Variants in SORL1 observed in about 807,000 individuals in gnomAD.
SORL1 encodes sortilin related receptor 1, also known as sortilin-related receptor.
SORL1 carries 127 observed loss-of-function variants against 273.7 expected under a neutral mutation model. That is an observed-to-expected ratio of 0.46 (90% CI 0.40 to 0.54). The LOEUF is 0.54. SORL1 is among the 20% of genes least tolerant of loss of function. SORL1 has a pLI of 0.00. For missense variants in SORL1, 2,494 were observed against 2,846.1 expected (o/e 0.88, Z 2.81); for synonymous variants, 1,031 against 1,067.4 (o/e 0.97, Z 0.66).
At chr11:121,520,378 A>C (rs1251413457) in intron 8 of SORL1, among the ~76,000 whole-genome samples, 1 of 152,238 alleles carries the variant, frequency 6.6e-6, no homozygotes, top group Non-Finnish European at 1.5e-5. Flanking sequence ...CATTTATATG[A>C]AATGTCTAGA....
At chr11:121,578,444 C>T (rs1168975688) in intron 25 of SORL1, among the ~76,000 whole-genome samples, 2 of 152,212 alleles carry the variant, frequency 1.3e-5, no homozygotes, top group Admixed American at 6.5e-5. Flanking sequence ...GCTCAAAGCA[C>T]GCCTACTAAT....
chr11:121,467,460 C>G (rs550014766), intron 1 of SORL1, among the ~76,000 whole-genome samples: 24 of 152,300 alleles, frequency 1.6e-4, no homozygotes, highest in African/African-American at 5.3e-4. Context: ...CCAGAGGGAG[C>G]ATTTTGATGT....
intron 5 of SORL1, among the ~76,000 whole-genome samples, chr11:121,494,053 T>C (rs1167618166): frequency 6.6e-6 from 1 of 152,234 alleles, no homozygotes; most frequent in Non-Finnish European, 1.5e-5. Context: ...TCTTCTGCTT[T>C]ATTTGAATTT....
intron 24 of SORL1, among the ~76,000 whole-genome samples, chr11:121,574,985 T>C (rs999678159): frequency 1.3e-5 from 2 of 152,178 alleles, no homozygotes; most frequent in Non-Finnish European, 2.9e-5. Flanking sequence ...CATTCAACTC[T>C]GTTATTATTA....
At chr11:121,579,097 G>A (rs144916412) in intron 25 of SORL1, among the ~76,000 whole-genome samples, 1,815 of 152,282 alleles carry the variant, frequency 0.012, 19 homozygotes, top group Non-Finnish European at 0.017. Flanking sequence ...AGCATGTGCC[G>A]GTCTTACAGA....
intron 8 of SORL1, among the ~76,000 whole-genome samples, chr11:121,517,395 CG>C (rs1861971553): frequency 1.3e-5 from 2 of 152,140 alleles, no homozygotes. Context: ...AAGGTTCATC[CG>C]TGAGTACCAT....
At chr11:121,548,990 A>C (rs1013236011) in intron 14 of SORL1, among the ~76,000 whole-genome samples, 1 of 152,216 alleles carries the variant, frequency 6.6e-6, no homozygotes, top group Admixed American at 6.5e-5. Context: ...TATAGAATTT[A>C]CAGGTTTGGA....
intron 6 of SORL1, among the ~76,000 whole-genome samples, chr11:121,500,138 A>C (rs1861690427): frequency 6.6e-6 from 1 of 152,254 alleles, no homozygotes; most frequent in South Asian, 2.1e-4. Flanking sequence ...GGGCCATTAA[A>C]GAAACAATGA....
chr11:121,567,187 T>G, intron 22 of SORL1, 74 bp downstream of exon 22: 1 of 1,286,208 alleles, frequency 7.8e-7, no homozygotes, highest in East Asian at 2.3e-5. Context: ...GAGGGAGGGA[T>G]AGCTCTCTGT....
Position 121,589,327 on chromosome 11 carries a change from A to T in SORL1, c.4015A>T (p.Ser1339Cys), listed in dbSNP as rs1454366663. Reference protein sequence around the residue: ...GFQCQNGVCISLIWKCDGMDD... With the variant: ...GFQCQNGVCICLIWKCDGMDD... Reference sequence around the variant, plus strand: ...CCAGTGTCAGAATGGAGTGTGCATCAGTTTGATTTGGAAGTGCGACGGGAT... The same window carrying T: ...CCAGTGTCAGAATGGAGTGTGCATCTGTTTGATTTGGAAGTGCGACGGGAT... Residue 1339 changes from serine (S) to cysteine (C), a missense_variant, in exon 29 of 48, where the codon AGT becomes TGT. Physicochemically the swap from Ser to Cys is moderately radical, Grantham distance 112. Coordinates refer to ENST00000260197, the MANE Select transcript of SORL1 (RefSeq NM_003105.6). 2 of 1,613,952 alleles carry T rather than the reference A, an allele frequency of 1.2e-6. No individual in the cohort carries two copies. Among genetic ancestry groups the T allele is most frequent in the South Asian group, 1.1e-5 (1 of 91,088 alleles).
chr11:121,595,813 T>G lies in SORL1; in HGVS notation c.4519+41T>G. On this transcript the variant is annotated intron_variant, in intron 32 of 47. Transcript: ENST00000260197. This position sits in a 1 kb window ranked among gnomAD's most constrained non-coding sequence, Gnocchi z 5.1. Reference sequence around the variant, plus strand: ...GCCCTTCACCCCCTGGGCACGTTTCTGCAGAGAGCACAGTTCTGGTGCTTC... The same window carrying G: ...GCCCTTCACCCCCTGGGCACGTTTCGGCAGAGAGCACAGTTCTGGTGCTTC... 2 of 1,599,762 alleles carry G rather than the reference T, an allele frequency of 1.3e-6. No homozygotes were observed. Among genetic ancestry groups the G allele is most frequent in the Non-Finnish European group, 1.7e-6 (2 of 1,175,918 alleles).
intron 4 of SORL1, among the ~76,000 whole-genome samples, chr11:121,489,475 TATTTGTCAC>T (rs1861519902): frequency 6.6e-6 from 1 of 152,246 alleles, no homozygotes; most frequent in South Asian, 2.1e-4. Context: ...GAATTAATAC[TATTTGTCAC>T]TTTGTGATGG....
intron 26 of SORL1, among the ~76,000 whole-genome samples, chr11:121,584,915 T>C (rs1047345039): frequency 2.6e-5 from 4 of 152,212 alleles, no homozygotes; most frequent in African/African-American, 9.6e-5. Context: ...TCAAGTCCAA[T>C]GCCTGGCAAT....
At chr11:121,560,582 G>C (rs1174780718) in intron 21 of SORL1, among the ~76,000 whole-genome samples, 1 of 152,162 alleles carries the variant, frequency 6.6e-6, no homozygotes, top group African/African-American at 2.4e-5. Flanking sequence ...AAACTGCTAA[G>C]TTTTCTGTTC....
At chr11:121,589,932 A>G in intron 29 of SORL1, 108 bp from the exon 30 acceptor site, 1 of 1,311,394 alleles carries the variant, frequency 7.6e-7, no homozygotes. Context: ...ATGGGTGGGA[A>G]GTGTGGGTTG....
intron 32 of SORL1, among the ~76,000 whole-genome samples, chr11:121,597,596 G>T (rs1257183782): frequency 6.6e-6 from 1 of 152,052 alleles, no homozygotes; most frequent in Non-Finnish European, 1.5e-5. Flanking sequence ...CGAGTAGCTG[G>T]GACGACAGGC....
In SORL1 at chr11:121,563,251, A is replaced by G. The variant is rs1862705205; in HGVS notation, c.3049+3594A>G. On this transcript the variant is annotated intron_variant, in intron 21 of 47. Coordinates refer to ENST00000260197, the MANE Select transcript of SORL1 (RefSeq NM_003105.6). This position sits in a 1 kb window ranked among gnomAD's most constrained non-coding sequence, Gnocchi z 4.2. ...TCCCTCTGTCATGTGTTGCTAGAAT[A>G]GCAGTGCCCTGGTAGTATGACAGCA... 6.6e-6 allele frequency among the ~76,000 whole-genome samples: 1 copy of G among 152,216 alleles called. No homozygotes were observed. The highest frequency in any genetic ancestry group is 1.5e-5 in the Non-Finnish European group (1 of 68,038).
chr11:121,594,295 A>G (rs1473060525), intron 31 of SORL1, among the ~76,000 whole-genome samples: 1 of 151,596 alleles, frequency 6.6e-6, no homozygotes, highest in Non-Finnish European at 1.5e-5. Flanking sequence ...AGTTCAAGGA[A>G]TTTTTCTTGA....
At chr11:121,590,980 C>T (rs764620022) in intron 30 of SORL1, 21 bp from the exon 31 acceptor site, 60 of 1,614,034 alleles carry the variant, frequency 3.7e-5, no homozygotes, top group Admixed American at 5.0e-5. Flanking sequence ...TTTGGGTTTC[C>T]GTGCTTGGTG....
Sources: gnomAD v4.1 joint callset for allele counts (sites outside exome capture counted in the v4.1 genomes callset) on GRCh38, gnomAD v4.1.1 for gene constraint, Gnocchi (gnomAD v3.1) non-coding constraint, MANE v1.5 for transcripts, NCBI Gene and HGNC (gene_info 2026-07-23, HGNC 2026-07-21) for gene names.